The following ALCAM variants were observed in gnomAD, a reference collection of about 807,000 sequenced individuals.
ALCAM encodes CD166 antigen.
A neutral mutation model predicts 70.9 loss-of-function variants in ALCAM; 30 were observed. That is an observed-to-expected ratio of 0.42 (90% confidence interval 0.32 to 0.57). The LOEUF (loss-of-function observed/expected upper bound fraction) is 0.57, where lower values mean the gene tolerates loss of function less well. ALCAM is among the 20% of genes least tolerant of loss of function. The pLI, the probability that ALCAM is intolerant of heterozygous loss-of-function variation, is 0.11. For synonymous variants in ALCAM, 249 were observed against 242.5 expected, an observed-to-expected ratio of 1.03 and a Z score of -0.25; for missense variants, 591 against 695.1, an observed-to-expected ratio of 0.85 and a Z score of 1.68.
In ALCAM at chr3:105,474,679, G is replaced by A. The variant is rs536808896; in HGVS notation, c.74-45388G>A. On this transcript the variant is annotated intron_variant, in intron 1 of 15. Coordinates refer to ENST00000306107, the MANE Select transcript of ALCAM (RefSeq NM_001627.4). Reference sequence around the variant, plus strand: ...TTCAAGGGCAATCTCTTTTTTTTACGTATGAAAGTAAGTGAGATCCATCTA... The same window carrying A: ...TTCAAGGGCAATCTCTTTTTTTTACATATGAAAGTAAGTGAGATCCATCTA... 3.3e-5 allele frequency among the ~76,000 whole-genome samples: 5 copies of A among 151,574 alleles called. No homozygotes were observed. In the South Asian group the frequency reaches 8.3e-4, roughly 25 times the overall value.
intron 1 of ALCAM, among the ~76,000 whole-genome samples, chr3:105,483,117 A>T (rs1938317976): frequency 1.3e-5 from 2 of 152,142 alleles, no homozygotes; most frequent in Non-Finnish European, 2.9e-5. Flanking sequence ...CAACTTGGGG[A>T]AATTTACCTC....
chr3:105,381,486 T>C (rs1383582843), intron 1 of ALCAM, among the ~76,000 whole-genome samples: 4 of 152,008 alleles, frequency 2.6e-5, no homozygotes, highest in Admixed American at 2.0e-4. Context: ...ACTTTATCCA[T>C]TAATTGTTAG....
chr3:105,415,637 T>C (rs1032771145), intron 1 of ALCAM, among the ~76,000 whole-genome samples: 1 of 152,108 alleles, frequency 6.6e-6, no homozygotes, highest in Non-Finnish European at 1.5e-5. Flanking sequence ...CGATAACCTT[T>C]TATTTATTTC....
chr3:105,539,609 T>G (rs935057343), intron 6 of ALCAM, among the ~76,000 whole-genome samples: 3 of 152,108 alleles, frequency 2.0e-5, no homozygotes, highest in African/African-American at 7.2e-5. Flanking sequence ...CTGATTTTTG[T>G]CCTTCCAAAC....
chr3:105,373,156 G>T (rs1352900156), intron 1 of ALCAM, among the ~76,000 whole-genome samples: 1 of 152,016 alleles, frequency 6.6e-6, no homozygotes, highest in Non-Finnish European at 1.5e-5. Context: ...CAGCCAGGTA[G>T]GTTGACTCTC....
chr3:105,527,682 C>T (rs1939738961), intron 3 of ALCAM, among the ~76,000 whole-genome samples: 1 of 151,890 alleles, frequency 6.6e-6, no homozygotes, highest in Non-Finnish European at 1.5e-5. Flanking sequence ...GTCTAGTCTA[C>T]TCTGGTGCTG....
intron 1 of ALCAM, among the ~76,000 whole-genome samples, chr3:105,420,366 T>G (rs534039874): frequency 6.6e-6 from 1 of 151,690 alleles, no homozygotes; most frequent in Non-Finnish European, 1.5e-5. Flanking sequence ...TTTTTCTTTT[T>G]AAAGAAAATG....
chr3:105,555,931 ACT>A (rs1164205411), intron 14 of ALCAM, among the ~76,000 whole-genome samples: 2 of 151,926 alleles, frequency 1.3e-5, no homozygotes, highest in South Asian at 2.1e-4. Flanking sequence ...AGAATAGATG[ACT>A]CTGATTTTTT....
At chr3:105,417,839 A>G (rs1255672404) in intron 1 of ALCAM, among the ~76,000 whole-genome samples, 1 of 151,824 alleles carries the variant, frequency 6.6e-6, no homozygotes, top group African/African-American at 2.4e-5. Context: ...ACAGAAGATA[A>G]TTTGGTCCCT....
At chr3:105,368,585 C>A (rs2107311778) in intron 1 of ALCAM, among the ~76,000 whole-genome samples, 1 of 152,100 alleles carries the variant, frequency 6.6e-6, no homozygotes, top group African/African-American at 2.4e-5. Flanking sequence ...AAAGAAAAAT[C>A]TCACTTCCTT....
At chr3:105,545,201 G>A (rs761948757) in intron 8 of ALCAM, 22 bp from the exon 9 acceptor site, 1 of 1,484,158 alleles carries the variant, frequency 6.7e-7, no homozygotes, top group Non-Finnish European at 9.4e-7. Context: ...TTAGCACTTT[G>A]AACAGATTTT....
intron 7 of ALCAM, among the ~76,000 whole-genome samples, chr3:105,541,094 CTAGTCT>C (rs1458316519): frequency 6.9e-6 from 1 of 144,566 alleles, no homozygotes; most frequent in Non-Finnish European, 1.6e-5. Context: ...TATATTTTTC[CTAGTCT>C]TAATTTCTTA....
At chr3:105,412,960 C>T (rs879831300) in intron 1 of ALCAM, among the ~76,000 whole-genome samples, 2 of 152,126 alleles carry the variant, frequency 1.3e-5, no homozygotes, top group South Asian at 2.1e-4. Context: ...ATAAACAAAA[C>T]ATGATTAAAT....
At chr3:105,410,709 G>A (rs1342696048) in intron 1 of ALCAM, among the ~76,000 whole-genome samples, 2 of 151,998 alleles carry the variant, frequency 1.3e-5, no homozygotes. Context: ...CTCAGAGACT[G>A]TGAAATCTAA....
At chr3:105,520,210 T>C in intron 2 of ALCAM, 43 bp downstream of exon 2, 1 of 1,354,042 alleles carries the variant, frequency 7.4e-7, no homozygotes, top group African/African-American at 1.4e-5. Context: ...GCCCTTGTTC[T>C]TTTAAATAAA....
At position 105,532,036 on chromosome 3, in the gene ALCAM, A is replaced by G. The variant is rs746683074; in HGVS notation, c.429A>G (p.Ala143=). The G allele has an allele frequency of 1.9e-6, 3 of 1,613,524 alleles. No homozygotes were observed. The highest frequency in any genetic ancestry group is 3.3e-5 in the Admixed American group (2 of 60,008). ...QPSKPEIVSK[A]LFLETEQLKK... ...CTAAACCTGAAATTGTAAGCAAAGCACTGTTTCTCGAAACAGAGCAGCTAA... is the reference window on the plus strand; with the variant it reads ...CTAAACCTGAAATTGTAAGCAAAGCGCTGTTTCTCGAAACAGAGCAGCTAA... The change falls in exon 4 of 16, where the codon GCA becomes GCG. Residue 143 remains alanine, a synonymous_variant. Transcript: ENST00000306107.
At chr3:105,467,501 G>A (rs185211662) in intron 1 of ALCAM, among the ~76,000 whole-genome samples, 5 of 151,084 alleles carry the variant, frequency 3.3e-5, no homozygotes, top group African/African-American at 9.7e-5. Flanking sequence ...ACTATACGGC[G>A]CTCCTTTTTA....
At chr3:105,550,310 C>T in intron 12 of ALCAM, 51 bp downstream of exon 12, 1 of 1,533,348 alleles carries the variant, frequency 6.5e-7, no homozygotes, top group South Asian at 1.2e-5. Context: ...TGAAGTTATT[C>T]TTCATTAGTT....
At chr3:105,567,656 A>C (rs1038264234) in intron 14 of ALCAM, among the ~76,000 whole-genome samples, 3 of 152,108 alleles carry the variant, frequency 2.0e-5, no homozygotes, top group East Asian at 1.9e-4. Context: ...TTTGCTGCTG[A>C]TATTTCCATC....
Sources: gnomAD v4.1 joint callset for allele counts (sites outside exome capture counted in the v4.1 genomes callset) on GRCh38, gnomAD v4.1.1 for gene constraint, MANE v1.5 for transcripts, NCBI Gene and HGNC (gene_info 2026-07-23, HGNC 2026-07-21) for gene names.